The following GOLGA8B variants were observed in gnomAD, a reference collection of about 807,000 sequenced individuals.
GOLGA8B encodes golgin A8 family member B.
In GOLGA8B, 1 loss-of-function variant was observed where a neutral mutation model predicts 15.6. That is an observed-to-expected ratio of 0.06 (90% CI 0.02 to 0.30). The LOEUF is 0.30. GOLGA8B is among the 10% of genes least tolerant of loss of function. GOLGA8B has a pLI of 1.00. For synonymous variants in GOLGA8B, 9 were observed against 80.3 expected (o/e 0.11, Z 4.75); for missense variants, 17 against 201.3 (o/e 0.08, Z 5.54).
intron 1 of GOLGA8B, among the ~76,000 whole-genome samples, chr15:34,572,418 A>C (rs147611196): frequency 6.6e-6 from 1 of 152,378 alleles, no homozygotes; most frequent in East Asian, 1.9e-4. Context: ...CAAAAGTTCA[A>C]TAAGTAAACA....
intron 1 of GOLGA8B, among the ~76,000 whole-genome samples, chr15:34,572,292 C>T (rs1163451583): frequency 6.6e-6 from 1 of 152,186 alleles, no homozygotes; most frequent in Non-Finnish European, 1.5e-5. Flanking sequence ...AACCATTCAG[C>T]CCCGCAAGTC....
intron 1 of GOLGA8B, among the ~76,000 whole-genome samples, chr15:34,570,484 G>A (rs1457479366): frequency 1.7e-5 from 2 of 117,354 alleles, no homozygotes; most frequent in African/African-American, 6.0e-5. Flanking sequence ...GAGCTACAGG[G>A]ACCCCCAGTC....
intron 1 of GOLGA8B, among the ~76,000 whole-genome samples, chr15:34,580,717 C>T (rs536241179): frequency 5.3e-5 from 8 of 152,132 alleles, no homozygotes; most frequent in East Asian, 3.9e-4. Context: ...AGGAAAGAGC[C>T]GGAGAAGCCT....
intron 1 of GOLGA8B, among the ~76,000 whole-genome samples, chr15:34,559,350 A>G (rs1236968900): frequency 5.5e-5 from 8 of 146,292 alleles, no homozygotes; most frequent in Non-Finnish European, 1.0e-4. Flanking sequence ...AGACGGCACA[A>G]CAGTGTGAAT....
intron 1 of GOLGA8B, among the ~76,000 whole-genome samples, chr15:34,567,357 G>T (rs555219562): frequency 6.7e-6 from 1 of 150,348 alleles, no homozygotes; most frequent in African/African-American, 2.5e-5. Context: ...ACACTGGGGC[G>T]CCCCCTTTGC....
At chr15:34,569,000 C>T (rs1177952156) in intron 1 of GOLGA8B, among the ~76,000 whole-genome samples, 5 of 150,052 alleles carry the variant, frequency 3.3e-5, no homozygotes, top group African/African-American at 5.1e-5. Flanking sequence ...ATTCTACAGG[C>T]CTCCCATGTC....
intron 1 of GOLGA8B, among the ~76,000 whole-genome samples, chr15:34,579,526 G>A (rs1472338457): frequency 6.6e-6 from 1 of 152,138 alleles, no homozygotes; most frequent in Non-Finnish European, 1.5e-5. Flanking sequence ...AATCCAAAAA[G>A]GAATCTCAGT....
intron 7 of GOLGA8B, among the ~76,000 whole-genome samples, chr15:34,539,515 CTCAAGG>C: frequency 2.2e-5 from 1 of 45,514 alleles, no homozygotes; most frequent in African/African-American, 7.2e-5. Flanking sequence ...CTGTGAGCCC[CTCAAGG>C]TCAAGGTCTC....
At chr15:34,570,585 ACG>A (rs1888889633) in intron 1 of GOLGA8B, among the ~76,000 whole-genome samples, 1 of 103,380 alleles carries the variant, frequency 9.7e-6, no homozygotes. Flanking sequence ...ACACCCCTCC[ACG>A]ATGGACCCCA....
intron 1 of GOLGA8B, among the ~76,000 whole-genome samples, chr15:34,567,740 G>C (rs149445357): frequency 6.6e-6 from 1 of 151,960 alleles, no homozygotes; most frequent in African/African-American, 2.4e-5. Flanking sequence ...CCCACACCAA[G>C]AATCCTAAAA....
At chr15:34,579,288 G>A (rs1220950849) in intron 1 of GOLGA8B, among the ~76,000 whole-genome samples, 1 of 151,976 alleles carries the variant, frequency 6.6e-6, no homozygotes, top group African/African-American at 2.4e-5. Flanking sequence ...AGAGAGTCAA[G>A]CAGGAGGAGG....
At chr15:34,563,952 G>A (rs1423805231) in intron 1 of GOLGA8B, among the ~76,000 whole-genome samples, 1 of 136,710 alleles carries the variant, frequency 7.3e-6, no homozygotes, top group Non-Finnish European at 1.7e-5. Context: ...TTTCATTTCC[G>A]TACCAATGGT....
intron 1 of GOLGA8B, among the ~76,000 whole-genome samples, chr15:34,573,725 AAC>A (rs1888988972): frequency 6.6e-6 from 1 of 152,056 alleles, no homozygotes; most frequent in Non-Finnish European, 1.5e-5. Flanking sequence ...CTTCCAGCTC[AAC>A]AGAGCAAATC....
intron 4 of GOLGA8B, among the ~76,000 whole-genome samples, chr15:34,549,218 A>C (rs1888349647): frequency 9.1e-6 from 1 of 109,712 alleles, no homozygotes; most frequent in Non-Finnish European, 2.0e-5. Flanking sequence ...AGTAAAAAAA[A>C]AAAAAAAAAG....
chr15:34,576,995 C>G (rs376053482), intron 1 of GOLGA8B, among the ~76,000 whole-genome samples: 248 of 150,316 alleles, frequency 1.6e-3, no homozygotes, highest in African/African-American at 5.8e-3. Flanking sequence ...GGACACAGAC[C>G]TCCACGTGCC....
At chr15:34,567,390 TG>T (rs1207386722) in intron 1 of GOLGA8B, among the ~76,000 whole-genome samples, 1 of 151,314 alleles carries the variant, frequency 6.6e-6, no homozygotes, top group Non-Finnish European at 1.5e-5. Flanking sequence ...GGGCTGTGGC[TG>T]GCCTGTCTGA....
In GOLGA8B at chr15:34,527,559, T is replaced by C. The variant is rs1888085962; in HGVS notation, c.*73A>G. 1 of 815,442 alleles carries C rather than the reference T, an allele frequency of 1.2e-6. No homozygotes were observed. The highest frequency in any genetic ancestry group is 2.0e-5 in the African/African-American group (1 of 50,118). The allele number at this position is 815,442 out of a possible 1,614,324, so 50.5% of individuals were successfully genotyped here. ...ACATTCAAATGAAGTAAATGAATTG[T>C]GTAGGAGATTAACCCCATAACTTTG... On this transcript the variant is annotated 3_prime_UTR_variant, in exon 24 of 24. Coordinates refer to ENST00000683415, the MANE Select transcript of GOLGA8B (RefSeq NM_001023567.5).
Position 34,525,527 on chromosome 15 carries a change from T to G in GOLGA8B, c.*2105A>C, listed in dbSNP as rs1339922503. On this transcript the variant is annotated 3_prime_UTR_variant, in exon 24 of 24. Transcript: ENST00000683415. ...ACTACAGTATTCATATTTTAAAATG[T>G]TTTAACTTATTTCAGAACATAAAGA... is the stretch of plus-strand genomic sequence containing the variant. The G allele has an allele frequency of 6.7e-6, 1 of 149,976 alleles. No individual in the cohort carries two copies. Among genetic ancestry groups the G allele is most frequent in the Non-Finnish European group, 1.5e-5 (1 of 67,296 alleles). The allele number at this position is 149,976 out of a possible 1,614,324, so 9.3% of individuals were successfully genotyped here.
intron 1 of GOLGA8B, chr15:34,582,930 A>C (rs1889283729): frequency 1.3e-5 from 2 of 152,170 alleles, no homozygotes; most frequent in South Asian, 4.1e-4. Flanking sequence ...GCGTGCCTCC[A>C]ACCCGGCGCC....
Sources: allele counts gnomAD v4.1 joint callset (sites outside exome capture counted in the v4.1 genomes callset), GRCh38; gene constraint gnomAD v4.1.1; transcripts MANE v1.5; gene names NCBI Gene and HGNC (gene_info 2026-07-23, HGNC 2026-07-21).